The following PXDNL variants were observed in gnomAD, a reference collection of about 807,000 sequenced individuals.
PXDNL encodes the protein probable oxidoreductase PXDNL.
Under a neutral mutation model 150.8 loss-of-function variants are expected in PXDNL, and 145 were observed. The observed-to-expected ratio is 0.96, with a 90% CI of 0.84 to 1.10. The LOEUF (loss-of-function observed/expected upper bound fraction) is 1.10, where lower values mean the gene tolerates loss of function less well. Among genes scored for constraint, PXDNL ranks in the 50% least tolerant of loss-of-function variants. The pLI is 0.00. For missense variants in PXDNL, 2,087 were observed against 1,873.9 expected (o/e 1.11, Z -2.10); for synonymous variants, 757 against 725.7 (o/e 1.04, Z -0.69).
In PXDNL at chr8:51,761,076, T is replaced by C. The variant is rs2037161091; in HGVS notation, c.164+48105A>G. Among the ~76,000 whole-genome samples, 7 of 145,582 alleles carry C rather than the reference T, an allele frequency of 4.8e-5. No individual in the cohort carries two copies. The South Asian group carries it at 1.5e-3, about 32-fold the overall frequency. On this transcript the variant is annotated intron_variant, in intron 1 of 22. Coordinates refer to ENST00000356297, the MANE Select transcript of PXDNL (RefSeq NM_144651.5). ...TTTTAGTAGAGACGGGGTTTCACCA[T>C]GTTAGCCAGGATGGTCTCGAACTGC...
rs930106991 is a variant in PXDNL, at chr8:51,409,626, T to G, written c.2063-65A>C. Reference sequence around the variant, plus strand: ...TGGGAGGGCGCGGGCAACTTGGAACTCCAGATGCTGCGGGAACCACCTCCC... The same window carrying G: ...TGGGAGGGCGCGGGCAACTTGGAACGCCAGATGCTGCGGGAACCACCTCCC... On this transcript the variant is annotated intron_variant, in intron 16 of 22. Transcript: ENST00000356297. The G allele has an allele frequency of 2.2e-6, 3 of 1,392,398 alleles. No individual in the cohort carries two copies. The African/African-American group carries it at 4.4e-5, about 21-fold the overall frequency. 86.3% of individuals were successfully genotyped at this position (1,392,398 alleles called of 1,614,324 possible).
chr8:51,668,320 G>A (rs1478618654), intron 1 of PXDNL, among the ~76,000 whole-genome samples: 1 of 151,550 alleles, frequency 6.6e-6, no homozygotes. Flanking sequence ...AACTACAGGC[G>A]AGCACCACCA....
intron 1 of PXDNL, among the ~76,000 whole-genome samples, chr8:51,767,114 A>G (rs2037240106): frequency 6.6e-6 from 1 of 152,048 alleles, no homozygotes; most frequent in Non-Finnish European, 1.5e-5. Context: ...TTCTTGGAAC[A>G]TATTTATAAC....
chr8:51,584,746 A>C (rs1813287450), intron 3 of PXDNL, among the ~76,000 whole-genome samples: 1 of 152,172 alleles, frequency 6.6e-6, no homozygotes, highest in African/African-American at 2.4e-5. Flanking sequence ...ATATAAATAA[A>C]GTTGAATCTT....
At chr8:51,468,754 T>C (rs1410055605) in intron 8 of PXDNL, among the ~76,000 whole-genome samples, 1 of 151,952 alleles carries the variant, frequency 6.6e-6, no homozygotes, top group Non-Finnish European at 1.5e-5. Flanking sequence ...CCATCTTAAT[T>C]GTTAATATGC....
At chr8:51,361,216 T>C (rs1806726216) in intron 19 of PXDNL, among the ~76,000 whole-genome samples, 1 of 152,196 alleles carries the variant, frequency 6.6e-6, no homozygotes, top group Non-Finnish European at 1.5e-5. Context: ...GAAACTGGAC[T>C]GGATGCAGAA....
chr8:51,612,693 A>G (rs765913163), intron 2 of PXDNL, among the ~76,000 whole-genome samples: 2 of 152,198 alleles, frequency 1.3e-5, no homozygotes, highest in African/African-American at 4.8e-5. Context: ...CCATGGGAGG[A>G]CACAGGGAGA....
chr8:51,737,553 T>G (rs1484521214), intron 1 of PXDNL, among the ~76,000 whole-genome samples: 1 of 152,194 alleles, frequency 6.6e-6, no homozygotes, highest in East Asian at 1.9e-4. Flanking sequence ...CTTTCTACCC[T>G]GATGAAGAGT....
chr8:51,436,154 T>A lies in PXDNL; in HGVS notation c.1526-9396A>T, dbSNP rs1023098604. On this transcript the variant is annotated intron_variant, in intron 12 of 22. Transcript: ENST00000356297. ...CTACATTATGCTTTGTTAAAAGAAC[T>A]CTTAATTCAGATCTTTAGTACACCG... 4 of 516,672 alleles carry A rather than the reference T, an allele frequency of 7.7e-6. No individual in the cohort carries two copies. The African/African-American group carries it at 7.8e-5, about 10-fold the overall frequency. 32.0% of individuals were successfully genotyped at this position (516,672 alleles called of 1,614,324 possible). A position where few individuals can be genotyped will look rare whatever the true frequency, so the allele number is the denominator to read the frequency against.
At chr8:51,320,945 C>A (rs368775744) in intron 21 of PXDNL, 48 bp from the exon 22 acceptor site, 4 of 1,336,790 alleles carry the variant, frequency 3.0e-6, no homozygotes, top group Non-Finnish European at 3.2e-6. Context: ...AAGCGGATAG[C>A]AACAAAGCCA....
At chr8:51,607,607 G>A (rs1373503579) in intron 2 of PXDNL, among the ~76,000 whole-genome samples, 4 of 150,400 alleles carry the variant, frequency 2.7e-5, no homozygotes, top group East Asian at 1.9e-4. Flanking sequence ...TTGGGAGGCC[G>A]AGGTGGGTGG....
chr8:51,637,947 G>A (rs1222687974), intron 2 of PXDNL, among the ~76,000 whole-genome samples: 1 of 152,216 alleles, frequency 6.6e-6, no homozygotes, highest in African/African-American at 2.4e-5. Flanking sequence ...AGGGCAGCCA[G>A]AGAGAAAGGT....
chr8:51,707,029 A>G (rs1019595030), intron 1 of PXDNL, among the ~76,000 whole-genome samples: 12 of 152,194 alleles, frequency 7.9e-5, no homozygotes, highest in Admixed American at 5.9e-4. Context: ...ATCTACATAG[A>G]CGGTTTTACT....
At chr8:51,809,044 T>G in intron 1 of PXDNL, 137 bp downstream of exon 1, 2 of 853,076 alleles carry the variant, frequency 2.3e-6, no homozygotes, top group Non-Finnish European at 3.6e-6. Flanking sequence ...ATGAAATTGT[T>G]TGAAAAGTGA....
chr8:51,679,516 G>A (rs1444996080), intron 1 of PXDNL, among the ~76,000 whole-genome samples: 1 of 152,202 alleles, frequency 6.6e-6, no homozygotes, highest in Non-Finnish European at 1.5e-5. Context: ...AGAGATTGCT[G>A]ACATTAAGCG....
At position 51,453,500 on chromosome 8, in the gene PXDNL, T is replaced by C. The variant is rs747568351; in HGVS notation, c.1249+19A>G. The C allele has an allele frequency of 6.2e-7, 1 of 1,610,142 alleles. No homozygotes were observed. The highest frequency in any genetic ancestry group is 8.5e-7 in the Non-Finnish European group (1 of 1,176,574). On this transcript the variant is annotated intron_variant, in intron 10 of 22. Coordinates refer to ENST00000356297, the MANE Select transcript of PXDNL (RefSeq NM_144651.5). ...TGTGGCAGGAGGAACATTTCAATCA[T>C]GACCTTCTGCTCCCATACCTTGTAC...
intron 1 of PXDNL, 146 bp from the exon 2 acceptor site, chr8:51,654,906 A>T (rs1157638480): frequency 4.5e-6 from 3 of 662,732 alleles, no homozygotes; most frequent in Non-Finnish European, 7.9e-6. Context: ...ACTAGTGCAC[A>T]TCATACACTA....
At chr8:51,389,852 T>A (rs1485209868) in intron 17 of PXDNL, among the ~76,000 whole-genome samples, 1 of 152,194 alleles carries the variant, frequency 6.6e-6, no homozygotes, top group Non-Finnish European at 1.5e-5. Context: ...ATTAGTCAAA[T>A]GCCTTATAAA....
At chr8:51,599,750 T>C (rs1240999353) in intron 2 of PXDNL, among the ~76,000 whole-genome samples, 8 of 146,216 alleles carry the variant, frequency 5.5e-5, no homozygotes, top group African/African-American at 1.5e-4. Context: ...ATATAAATGA[T>C]ATCGTTTATA....
Sources: allele counts gnomAD v4.1 joint callset (sites outside exome capture counted in the v4.1 genomes callset), GRCh38; gene constraint gnomAD v4.1.1; transcripts MANE v1.5; gene names NCBI Gene and HGNC (gene_info 2026-07-23, HGNC 2026-07-21).